Variants in THSD7B observed in about 807,000 individuals in gnomAD.
THSD7B encodes thrombospondin type 1 domain containing 7B, also known as thrombospondin type-1 domain-containing protein 7B.
In THSD7B, 138 loss-of-function variants were observed where a neutral mutation model predicts 213.6. The ratio of observed to expected loss-of-function variants is 0.65; its 90% CI spans 0.56 to 0.74. THSD7B has a LOEUF of 0.74. THSD7B is among the 30% of genes least tolerant of loss of function. The pLI, the probability that THSD7B is intolerant of heterozygous loss-of-function variation, is 0.00. For synonymous variants in THSD7B, 742 were observed against 687.0 expected, an observed-to-expected ratio of 1.08 and a Z score of -1.25; for missense variants, 1,931 against 1,991.5, an observed-to-expected ratio of 0.97 and a Z score of 0.58.
intron 5 of THSD7B, among the ~76,000 whole-genome samples, chr2:137,130,508 CCT>C (rs1342674089): frequency 6.6e-6 from 1 of 150,580 alleles, no homozygotes; most frequent in African/African-American, 2.4e-5. Flanking sequence ...AGGTATATCT[CCT>C]AATGCTATCC....
chr2:137,368,523 C>G (rs1236340517), intron 12 of THSD7B, among the ~76,000 whole-genome samples: 1 of 151,960 alleles, frequency 6.6e-6, no homozygotes, highest in Non-Finnish European at 1.5e-5. Context: ...GATCATGTAT[C>G]AATGCAGTTT....
At chr2:137,398,654 G>GAGGC (rs1686264306) in intron 12 of THSD7B, among the ~76,000 whole-genome samples, 1 of 152,102 alleles carries the variant, frequency 6.6e-6, no homozygotes, top group African/African-American at 2.4e-5. Flanking sequence ...GGAGCCTACA[G>GAGGC]AGGCAGGCAG....
At chr2:137,072,260 C>G (rs1183560802) in intron 3 of THSD7B, among the ~76,000 whole-genome samples, 11 of 152,086 alleles carry the variant, frequency 7.2e-5, no homozygotes, top group African/African-American at 2.2e-4. Flanking sequence ...TCTTCCGTTT[C>G]TTTGTATCCT....
intron 12 of THSD7B, among the ~76,000 whole-genome samples, chr2:137,348,501 C>G (rs1030040324): frequency 6.6e-6 from 1 of 151,550 alleles, no homozygotes; most frequent in Non-Finnish European, 1.5e-5. Context: ...CCAGAAATGT[C>G]CTTATGTTGC....
intron 1 of THSD7B, among the ~76,000 whole-genome samples, chr2:136,784,850 T>G (rs1393697379): frequency 6.6e-6 from 1 of 152,218 alleles, no homozygotes; most frequent in Non-Finnish European, 1.5e-5. Flanking sequence ...ACCAATATTT[T>G]TAAGCCACAT....
intron 2 of THSD7B, among the ~76,000 whole-genome samples, chr2:136,907,863 C>T (rs1264884744): frequency 6.6e-6 from 1 of 152,076 alleles, no homozygotes; most frequent in Non-Finnish European, 1.5e-5. Context: ...ATAAATGTCA[C>T]CAACATTAAG....
chr2:137,509,533 C>G (rs1218734687), intron 15 of THSD7B, among the ~76,000 whole-genome samples: 1 of 151,912 alleles, frequency 6.6e-6, no homozygotes, highest in Admixed American at 6.6e-5. Flanking sequence ...TGGTCATTAT[C>G]TGTATATTTT....
chr2:137,357,131 T>C (rs768346290), intron 12 of THSD7B, among the ~76,000 whole-genome samples: 2 of 152,212 alleles, frequency 1.3e-5, no homozygotes, highest in Non-Finnish European at 2.9e-5. Flanking sequence ...TATGATTCAC[T>C]ACATCAAAGA....
chr2:137,089,864 C>T (rs947961163), intron 3 of THSD7B, among the ~76,000 whole-genome samples: 4 of 151,900 alleles, frequency 2.6e-5, no homozygotes, highest in African/African-American at 9.7e-5. Flanking sequence ...AAAAAATTAG[C>T]CGGGTGTGGT....
chr2:137,507,556 A>G (rs1315568450), intron 15 of THSD7B, among the ~76,000 whole-genome samples: 1 of 152,206 alleles, frequency 6.6e-6, no homozygotes, highest in Non-Finnish European at 1.5e-5. Context: ...TGTGATTGTA[A>G]TAAGGGCCTG....
chr2:137,238,729 A>G (rs13426331), intron 9 of THSD7B, among the ~76,000 whole-genome samples: 8,903 of 146,806 alleles, frequency 0.061, 706 homozygotes, highest in African/African-American at 0.19. Context: ...AATTTTTTGT[A>G]TTTTTAGTAG....
At chr2:136,988,827 C>A (rs961749342) in intron 2 of THSD7B, among the ~76,000 whole-genome samples, 64 of 152,336 alleles carry the variant, frequency 4.2e-4, no homozygotes, top group African/African-American at 1.4e-3. Context: ...TCTGTCATTC[C>A]TCCATTTACC....
intron 17 of THSD7B, among the ~76,000 whole-genome samples, chr2:137,596,243 A>G (rs1340276652): frequency 7.3e-6 from 1 of 137,512 alleles, no homozygotes; most frequent in Non-Finnish European, 1.6e-5. Context: ...CCTTACCTGG[A>G]AGATAATGTA....
At chr2:137,226,856 GAA>G in intron 7 of THSD7B, among the ~76,000 whole-genome samples, 2 of 146,708 alleles carry the variant, frequency 1.4e-5, no homozygotes, top group Non-Finnish European at 3.1e-5. Flanking sequence ...ATCGACAGAT[GAA>G]TAAACACATT....
intron 15 of THSD7B, among the ~76,000 whole-genome samples, chr2:137,473,748 A>G (rs966683622): frequency 6.6e-6 from 1 of 152,174 alleles, no homozygotes; most frequent in African/African-American, 2.4e-5. Flanking sequence ...CACCCTCACT[A>G]CAAATGTCTG....
intron 1 of THSD7B, among the ~76,000 whole-genome samples, chr2:136,868,455 CTTA>C (rs1558832014): frequency 6.6e-6 from 1 of 152,034 alleles, no homozygotes; most frequent in African/African-American, 2.4e-5. Context: ...GGCTTATAAA[CTTA>C]TTATTTTAAT....
intron 17 of THSD7B, among the ~76,000 whole-genome samples, chr2:137,590,601 AAAAC>A (rs964550718): frequency 6.6e-6 from 1 of 152,076 alleles, no homozygotes; most frequent in Non-Finnish European, 1.5e-5. Context: ...TTTTCCAAGA[AAAAC>A]AACTCAATCA....
At chr2:136,954,434 C>T (rs767407568) in intron 2 of THSD7B, among the ~76,000 whole-genome samples, 7 of 152,132 alleles carry the variant, frequency 4.6e-5, no homozygotes, top group Non-Finnish European at 8.8e-5. Context: ...TAAGAAATTA[C>T]GGCCGGGCGC....
chr2:137,661,159 G>T (rs1219284422), intron 25 of THSD7B, among the ~76,000 whole-genome samples: 4 of 152,080 alleles, frequency 2.6e-5, no homozygotes, highest in African/African-American at 9.7e-5. Flanking sequence ...CTTCTCTATT[G>T]TCTGTATACT....
Sources: gnomAD v4.1 joint callset for allele counts (sites outside exome capture counted in the v4.1 genomes callset) on GRCh38, gnomAD v4.1.1 for gene constraint, MANE v1.5 for transcripts, NCBI Gene and HGNC (gene_info 2026-07-23, HGNC 2026-07-21) for gene names.